The following GNAT3 variants were observed in gnomAD, a reference collection of about 807,000 sequenced individuals.
GNAT3 encodes the protein G protein subunit alpha transducin 3, also known as guanine nucleotide-binding protein G(t) subunit alpha-3.
Under a neutral mutation model 37.7 loss-of-function variants are expected in GNAT3, and 31 were observed. The ratio of observed to expected loss-of-function variants is 0.82; its 90% CI spans 0.62 to 1.11. The LOEUF (loss-of-function observed/expected upper bound fraction) is 1.11. Among genes scored for constraint, GNAT3 ranks in the 50% most tolerant of loss-of-function variants. GNAT3 has a pLI of 0.00. For missense variants in GNAT3, 437 were observed against 412.5 expected (o/e 1.06, Z -0.51); for synonymous variants, 138 against 139.8 (o/e 0.99, Z 0.09).
At chr7:80,462,012 A>G (rs1584165193) in intron 7 of GNAT3, 147 bp downstream of exon 7, 7 of 604,692 alleles carry the variant, frequency 1.2e-5, no homozygotes, top group East Asian at 5.7e-5. Context: ...TTTATTTGTA[A>G]GATTTTTTTT....
At chr7:80,481,715 AG>A (rs1467654472) in intron 3 of GNAT3, among the ~76,000 whole-genome samples, 4 of 152,084 alleles carry the variant, frequency 2.6e-5, no homozygotes, top group Admixed American at 1.3e-4. Context: ...CACTTTTTAA[AG>A]GTCTACATAG....
intron 3 of GNAT3, among the ~76,000 whole-genome samples, chr7:80,483,434 A>G (rs575462137): frequency 4.6e-5 from 7 of 152,276 alleles, no homozygotes; most frequent in Admixed American, 3.9e-4. Flanking sequence ...ACCAAAATGT[A>G]TAGGTATTAT....
Position 80,474,285 on chromosome 7 carries a change from C to G in GNAT3, c.556G>C (p.Glu186Gln). The G allele has an allele frequency of 6.3e-7, 1 of 1,599,290 alleles. No homozygotes were observed. The highest frequency in any genetic ancestry group is 8.5e-7 in the Non-Finnish European group (1 of 1,171,704). The part of the protein sequence containing the change: ...HSRVKTTGII[E>Q]TQFSFKDLHF... ...AAGTCTTTAAAGGAGAATTGAGTTT[C>G]AATGATTCCAGTCGTTTTCACTCGA... is the stretch of plus-strand genomic sequence containing the variant. Residue 186 changes from glutamate to glutamine, a missense_variant, in exon 5 of 8, where the codon GAA becomes CAA. Glu to Gln is a conservative substitution (Grantham distance 29, BLOSUM62 2). Coordinates refer to ENST00000398291, the MANE Select transcript of GNAT3 (RefSeq NM_001102386.3).
At chr7:80,490,675 A>C (rs572912371) in intron 2 of GNAT3, among the ~76,000 whole-genome samples, 1 of 152,332 alleles carries the variant, frequency 6.6e-6, no homozygotes, top group East Asian at 1.9e-4. Context: ...TAAGCACTTC[A>C]TCTGTCTTAT....
At chr7:80,464,352 A>G (rs551190243) in intron 5 of GNAT3, among the ~76,000 whole-genome samples, 27 of 152,190 alleles carry the variant, frequency 1.8e-4, no homozygotes, top group African/African-American at 5.8e-4. Flanking sequence ...TCTGGAGCAA[A>G]CAATGTTATA....
In GNAT3 at chr7:80,494,825, A is replaced by G. The variant is rs559618129; in HGVS notation, c.119-178T>C. ...GAAGTCTGGTCTTTTAGTTTACCCAATATCTGAATAGTGTGCATTGTACCC... is the reference window on the plus strand; with the variant it reads ...GAAGTCTGGTCTTTTAGTTTACCCAGTATCTGAATAGTGTGCATTGTACCC... On this transcript the variant is annotated intron_variant, in intron 1 of 7. Coordinates refer to ENST00000398291, the MANE Select transcript of GNAT3 (RefSeq NM_001102386.3). 3.9e-5 allele frequency among the ~76,000 whole-genome samples: 6 copies of G among 152,208 alleles called. No homozygotes were observed. The South Asian group carries it at 1.0e-3, about 26-fold the overall frequency.
intron 1 of GNAT3, among the ~76,000 whole-genome samples, chr7:80,507,200 G>A (rs1249138455): frequency 6.6e-6 from 1 of 151,774 alleles, no homozygotes; most frequent in Non-Finnish European, 1.5e-5. Context: ...GGACAGGCAT[G>A]GACTATGTTG....
chr7:80,511,818 G>C lies in GNAT3; in HGVS notation c.109C>G (p.Leu37Val), dbSNP rs774920344. The change falls in exon 1 of 8, where the codon CTA becomes GTA. Residue 37 changes from leucine to valine, a missense_variant. Coordinates refer to ENST00000398291, the MANE Select transcript of GNAT3 (RefSeq NM_001102386.3). ...AGGGAAAAGAAATTACCTAATAGTA[G>C]CAGCTTTACGGTTCTTGCATCTCGC... ...AERDARTVKL[L>V]LLGAGESGKS... 1 of 1,603,174 alleles carries C rather than the reference G, an allele frequency of 6.2e-7. No individual in the cohort carries two copies. The highest frequency in any genetic ancestry group is 1.1e-5 in the South Asian group (1 of 90,268).
rs373882487 is a variant in GNAT3 at position 80,475,484 on chromosome 7, C to T, written c.462-1105G>A. Among the ~76,000 whole-genome samples the T allele has an allele frequency of 1.6e-3, 237 of 151,364 alleles. 8 individuals are homozygous for T. In the South Asian group the frequency reaches 0.048, roughly 31 times the overall value. ...ACTATTTCTGTAAAACTTTCAGATA[C>T]AAATAGTAATAGCATGGTAATGCCT... On this transcript the variant is annotated intron_variant, in intron 4 of 7. Coordinates refer to ENST00000398291, the MANE Select transcript of GNAT3 (RefSeq NM_001102386.3).
intron 3 of GNAT3, chr7:80,486,325 C>T (rs1486580460): frequency 6.6e-6 from 1 of 152,136 alleles, no homozygotes; most frequent in Non-Finnish European, 1.5e-5. Flanking sequence ...ATTCAATGTA[C>T]AGTTTGAATG....
In GNAT3 at chr7:80,458,757, T is replaced by C; in HGVS notation, c.979A>G (p.Thr327Ala). The change falls in exon 8 of 8, where the codon ACT becomes GCT. Residue 327 changes from threonine to alanine, a missense_variant. Physicochemically the swap from Thr to Ala is moderately conservative, Grantham distance 58. Transcript: ENST00000398291. Reference sequence around the variant, plus strand: ...ACAAACTTGACATTTTGGGTGTCAGTAGCACAGGTCATGTGGGAATAAATT... The same window carrying C: ...ACAAACTTGACATTTTGGGTGTCAGCAGCACAGGTCATGTGGGAATAAATT... ...KEIYSHMTCA[T>A]DTQNVKFVFD... The C allele has an allele frequency of 6.3e-7, 1 of 1,599,446 alleles. No homozygotes were observed. Among genetic ancestry groups the C allele is most frequent in the African/African-American group, 1.3e-5 (1 of 74,676 alleles).
chr7:80,494,565 GAC>G (rs1226513852), intron 2 of GNAT3, 38 bp downstream of exon 2: 33 of 1,060,044 alleles, frequency 3.1e-5, no homozygotes, highest in Non-Finnish European at 4.7e-5. Flanking sequence ...TACATGGACA[GAC>G]ATCAAATATT....
At chr7:80,459,348 A>G (rs1243475965) in intron 7 of GNAT3, among the ~76,000 whole-genome samples, 1 of 152,216 alleles carries the variant, frequency 6.6e-6, no homozygotes, top group Admixed American at 6.5e-5. Flanking sequence ...TAGGGTCGGG[A>G]AACAGACTGA....
Position 80,462,266 on chromosome 7 carries a change from T to G in GNAT3, c.767A>C (p.His256Pro). 6.2e-7 allele frequency: 1 copy of G among 1,612,828 alleles called. No individual in the cohort carries two copies. The highest frequency in any genetic ancestry group is 8.5e-7 in the Non-Finnish European group (1 of 1,179,028). Residue 256 changes from histidine to proline, a missense_variant, in exon 7 of 8, where the codon CAC becomes CCC. His to Pro is a moderately conservative substitution (Grantham distance 77, BLOSUM62 -2). Transcript: ENST00000398291. ...AATGGAGGTTGTTGAAAAATACTTGTGATTACAGATACTGTTGAACAGGTG... is the reference window on the plus strand; with the variant it reads ...AATGGAGGTTGTTGAAAAATACTTGGGATTACAGATACTGTTGAACAGGTG... ...SLHLFNSICN[H>P]KYFSTTSIVL... is the part of the protein sequence containing the mutation.
At chr7:80,474,779 T>G (rs1790277782) in intron 4 of GNAT3, among the ~76,000 whole-genome samples, 1 of 152,182 alleles carries the variant, frequency 6.6e-6, no homozygotes, top group Non-Finnish European at 1.5e-5. Flanking sequence ...AAAATTTCTC[T>G]TTATAGTGCC....
In GNAT3 at chr7:80,488,635, T is replaced by C; in HGVS notation, c.203A>G (p.Glu68Gly). The C allele has an allele frequency of 6.3e-7, 1 of 1,587,800 alleles. No individual in the cohort carries two copies. Among genetic ancestry groups the C allele is most frequent in the East Asian group, 2.3e-5 (1 of 44,134 alleles). ...ATTACTGTAAATTACTGCTTTGAAC[T>C]CCATGCATTCTTGCTCACTGTAACC... is the stretch of plus-strand genomic sequence containing the variant. ...KNGYSEQECMEFKAVIYSNTL... is the reference protein window; with the variant it reads ...KNGYSEQECMGFKAVIYSNTL... The change falls in exon 3 of 8, where the codon GAG becomes GGG. Residue 68 changes from glutamate to glycine, a missense_variant. Transcript: ENST00000398291.
At chr7:80,499,628 A>G (rs1214731127) in intron 1 of GNAT3, among the ~76,000 whole-genome samples, 1 of 152,154 alleles carries the variant, frequency 6.6e-6, no homozygotes, top group East Asian at 1.9e-4. Flanking sequence ...GGTATAAAAG[A>G]TTTTTAGGGT....
chr7:80,507,606 C>A (rs1176067987), intron 1 of GNAT3, among the ~76,000 whole-genome samples: 3 of 151,970 alleles, frequency 2.0e-5, no homozygotes, highest in African/African-American at 7.2e-5. Flanking sequence ...CTGGGAAGTA[C>A]AAAACGCATT....
At chr7:80,462,373 C>G (rs1444365054) in intron 6 of GNAT3, 61 bp from the exon 7 acceptor site, 2 of 1,560,454 alleles carry the variant, frequency 1.3e-6, no homozygotes, top group Admixed American at 3.4e-5. Context: ...GAATGTTGAG[C>G]ATCATGAACA....
Sources: gnomAD v4.1 joint callset for allele counts (sites outside exome capture counted in the v4.1 genomes callset) on GRCh38, gnomAD v4.1.1 for gene constraint, MANE v1.5 for transcripts, NCBI Gene and HGNC (gene_info 2026-07-23, HGNC 2026-07-21) for gene names.